Variants in WNK2 observed in about 807,000 individuals in gnomAD.
WNK2 encodes serine/threonine-protein kinase WNK2.
A neutral mutation model predicts 192.1 loss-of-function variants in WNK2; 67 were observed. That is an observed-to-expected ratio of 0.35 (90% confidence interval 0.29 to 0.43). The LOEUF (loss-of-function observed/expected upper bound fraction) is 0.43, where lower values mean the gene tolerates loss of function less well. Among genes scored for constraint, WNK2 ranks in the 20% least tolerant of loss-of-function variants. The pLI is 1.00. For missense variants in WNK2, 2,698 were observed against 3,089.7 expected (o/e 0.87, Z 3.01); for synonymous variants, 1,439 against 1,393.9 (o/e 1.03, Z -0.72).
At chr9:93,295,737 CCA>C in intron 23 of WNK2, among the ~76,000 whole-genome samples, 1 of 147,616 alleles carries the variant, frequency 6.8e-6, no homozygotes, top group South Asian at 2.2e-4. Flanking sequence ...CCTTCCTCCC[CCA>C]CCTTCCTCCC....
At position 93,258,078 on chromosome 9, in the gene WNK2, C is replaced by T. The variant is rs557808201; in HGVS notation, c.2383-853C>T. 6.6e-5 allele frequency among the ~76,000 whole-genome samples: 10 copies of T among 152,318 alleles called. 1 individual carries two copies. The East Asian group carries it at 7.7e-4, about 12-fold the overall frequency. On this transcript the variant is annotated intron_variant, in intron 11 of 29. Transcript: ENST00000427277. ...CTCAGGCCCAGATGTCACCATAGGA[C>T]GTTAGGCAGCTTCAGGGTCTAGTGA...
At chr9:93,203,996 C>T (rs1182221701) in intron 2 of WNK2, among the ~76,000 whole-genome samples, 3 of 151,848 alleles carry the variant, frequency 2.0e-5, no homozygotes, top group Non-Finnish European at 4.4e-5. Context: ...GATGGGGCTG[C>T]GGGATGGCAT....
intron 2 of WNK2, among the ~76,000 whole-genome samples, chr9:93,221,700 C>T (rs765689380): frequency 1.3e-5 from 2 of 152,138 alleles, no homozygotes; most frequent in Non-Finnish European, 1.5e-5. Flanking sequence ...GTCTTACGTT[C>T]GCAGGAAACT....
intron 2 of WNK2, among the ~76,000 whole-genome samples, chr9:93,192,967 G>A (rs2131027975): frequency 6.6e-6 from 1 of 152,322 alleles, no homozygotes; most frequent in Middle Eastern, 3.4e-3. Context: ...TCAGGCTGCA[G>A]CTGGAAGACA....
chr9:93,284,990 A>G (rs922581390), intron 19 of WNK2, among the ~76,000 whole-genome samples: 3 of 152,260 alleles, frequency 2.0e-5, no homozygotes, highest in Non-Finnish European at 4.4e-5. Flanking sequence ...CACATAGTAG[A>G]CACGCAGAGC....
At chr9:93,306,663 C>A (rs1852611627) in intron 26 of WNK2, 114 bp from the exon 27 acceptor site, 1 of 1,336,164 alleles carries the variant, frequency 7.5e-7, no homozygotes, top group African/African-American at 1.4e-5. Context: ...GAACTGCTGC[C>A]TGTGTCTGCC....
chr9:93,311,818 C>T (rs879313702), intron 28 of WNK2, among the ~76,000 whole-genome samples: 2 of 152,094 alleles, frequency 1.3e-5, no homozygotes, highest in South Asian at 2.1e-4. Flanking sequence ...CGGGGTTTCA[C>T]CATGTTGGTC....
chr9:93,289,267 G>T lies in WNK2; in HGVS notation c.4513G>T (p.Gly1505Trp). The change falls in exon 20 of 30, where the codon GGG becomes TGG. Residue 1505 changes from glycine (G) to tryptophan (W), a missense_variant. Physicochemically the swap from Gly to Trp is radical, Grantham distance 184 (BLOSUM62 -2). Transcript: ENST00000427277. ...TGCTCCCCTGCTTCCTGCCGCAGTG[G>T]GGGCCGTCAGCCTGGCCACCTCCCA... ...QPAPLLPAAV[G>W]AVSLATSQLP... The T allele has an allele frequency of 6.2e-7, 1 of 1,600,648 alleles. No individual in the cohort carries two copies. The highest frequency in any genetic ancestry group is 2.3e-5 in the East Asian group (1 of 44,210).
rs185191126 is a variant in WNK2 at position 93,286,784 on chromosome 9, T to A, written c.4034-2004T>A. Among the ~76,000 whole-genome samples, 11 of 152,214 alleles carry A rather than the reference T, an allele frequency of 7.2e-5. No homozygotes were observed. In the East Asian group the frequency reaches 2.1e-3, roughly 29 times the overall value. On this transcript the variant is annotated intron_variant, in intron 19 of 29. Coordinates refer to ENST00000427277, the MANE Select transcript of WNK2 (RefSeq NM_006648.4). The stretch of plus-strand genomic sequence containing the variant: ...CTAAGTGTCTTCACAGATGAATGGA[T>A]AAAGAAAATGTGATATGTTTGCACA...
intron 2 of WNK2, among the ~76,000 whole-genome samples, chr9:93,224,536 C>T (rs908425408): frequency 6.6e-6 from 1 of 152,226 alleles, no homozygotes; most frequent in Non-Finnish European, 1.5e-5. Context: ...ACTCGTGCAG[C>T]CCTTGAGGGG....
chr9:93,231,999 G>A (rs913687601), intron 4 of WNK2, among the ~76,000 whole-genome samples: 1 of 152,222 alleles, frequency 6.6e-6, no homozygotes, highest in East Asian at 1.9e-4. Context: ...GCTGCAACAT[G>A]TGCAGGGCAA....
At chr9:93,227,515 G>A (rs944178050) in intron 2 of WNK2, among the ~76,000 whole-genome samples, 2 of 152,032 alleles carry the variant, frequency 1.3e-5, no homozygotes, top group African/African-American at 2.4e-5. Context: ...GCCTCTTTCC[G>A]TGTGCTGTTG....
chr9:93,261,920 T>C lies in WNK2; in HGVS notation c.3173T>C (p.Leu1058Pro). 1.9e-6 allele frequency: 3 copies of C among 1,608,582 alleles called. No individual in the cohort carries two copies. Among genetic ancestry groups the C allele is most frequent in the Non-Finnish European group, 2.5e-6 (3 of 1,179,760 alleles). The stretch of plus-strand genomic sequence containing the variant: ...CTCTCGCCGCCTCTGCCGGAAGTGC[T>C]GCTGCCTGCCGCCCCTGAGCTCCTG... Reference protein sequence around the residue: ...AVLSPPLPEVLLPAAPELLPQ... With the variant: ...AVLSPPLPEVPLPAAPELLPQ... The change falls in exon 13 of 30, where the codon CTG becomes CCG. Residue 1058 changes from leucine (L) to proline (P), a missense_variant. Leu to Pro is a moderately conservative substitution (Grantham distance 98, BLOSUM62 -3). Transcript: ENST00000427277.
intron 13 of WNK2, 80 bp downstream of exon 13, chr9:93,262,187 A>T: frequency 6.8e-7 from 1 of 1,470,846 alleles, no homozygotes; most frequent in Non-Finnish European, 9.0e-7. Flanking sequence ...CTGGGGTCTT[A>T]GTCCTAGAGG....
chr9:93,247,436 G>A lies in WNK2; in HGVS notation c.1543-107G>A. On this transcript the variant is annotated intron_variant, in intron 7 of 29. Coordinates refer to ENST00000427277, the MANE Select transcript of WNK2 (RefSeq NM_006648.4). The surrounding 1 kb of genome is among the most constrained non-coding windows in gnomAD (Gnocchi z 5.2). ...ACATTCAGTGGCAGTGGGATGGCGA[G>A]CGTGTCCTGCGTGGATGAGCCAGTG... 7.8e-7 allele frequency: 1 copy of A among 1,283,718 alleles called. No homozygotes were observed. The highest frequency in any genetic ancestry group is 1.1e-6 in the Non-Finnish European group (1 of 917,916). The allele number at this position is 1,283,718 out of a possible 1,614,324, so 79.5% of individuals were successfully genotyped here.
chr9:93,228,727 C>A (rs766050960), intron 2 of WNK2, among the ~76,000 whole-genome samples: 1 of 152,074 alleles, frequency 6.6e-6, no homozygotes, highest in Non-Finnish European at 1.5e-5. Flanking sequence ...ATGGAGCCTT[C>A]GGGGCCATGC....
intron 26 of WNK2, 146 bp from the exon 27 acceptor site, chr9:93,306,631 C>T (rs527436941): frequency 9.8e-5 from 101 of 1,028,500 alleles, no homozygotes; most frequent in Non-Finnish European, 1.3e-4. Flanking sequence ...CCGTTTCCCC[C>T]GGCCGGGTCG....
chr9:93,306,718 C>CCAGT, intron 26 of WNK2, 59 bp from the exon 27 acceptor site: 2 of 1,603,492 alleles, frequency 1.2e-6, no homozygotes. Flanking sequence ...GTAGCGTGTC[C>CCAGT]CAGTGTGTGC....
intron 2 of WNK2, among the ~76,000 whole-genome samples, chr9:93,227,409 G>A (rs535105582): frequency 1.3e-5 from 2 of 152,158 alleles, no homozygotes; most frequent in East Asian, 3.9e-4. Context: ...CACCGCACCC[G>A]GCCGTATCCA....
Sources: allele counts gnomAD v4.1 joint callset (sites outside exome capture counted in the v4.1 genomes callset), GRCh38; gene constraint gnomAD v4.1.1; non-coding constraint Gnocchi (gnomAD v3.1); transcripts MANE v1.5; gene names NCBI Gene and HGNC (gene_info 2026-07-23, HGNC 2026-07-21).